The following NFAT5 variants were observed in gnomAD, a reference collection of about 807,000 sequenced individuals.
NFAT5 encodes the protein nuclear factor of activated T cells 5.
In NFAT5, 31 loss-of-function variants were observed where a neutral mutation model predicts 166.5. The ratio of observed to expected loss-of-function variants is 0.19; its 90% CI spans 0.14 to 0.25. The LOEUF is 0.25. NFAT5 is among the 10% of genes least tolerant of loss of function. The pLI is 1.00. For missense variants in NFAT5, 1,449 were observed against 1,821.8 expected (o/e 0.80, Z 3.72); for synonymous variants, 612 against 639.7 (o/e 0.96, Z 0.65).
intron 4 of NFAT5, among the ~76,000 whole-genome samples, chr16:69,651,817 C>G (rs1355534473): frequency 6.6e-6 from 1 of 151,796 alleles, no homozygotes. Context: ...ATTACAGGTG[C>G]CTGCCACCAC....
At chr16:69,630,449 G>A (rs1368261890) in intron 3 of NFAT5, among the ~76,000 whole-genome samples, 1 of 152,122 alleles carries the variant, frequency 6.6e-6, no homozygotes, top group African/African-American at 2.4e-5. Context: ...GGAATTCCAG[G>A]TGTAAGCCAC....
chr16:69,612,284 A>G (rs902890524), intron 2 of NFAT5, among the ~76,000 whole-genome samples: 4 of 152,188 alleles, frequency 2.6e-5, no homozygotes, highest in Admixed American at 6.5e-5. Flanking sequence ...TTTTCAACCC[A>G]TTTGGAGAAG....
rs1438963460 is a variant in NFAT5, at chr16:69,697,741, C to T, written c.*1390C>T. Reference sequence around the variant, plus strand: ...CTTGCCACCCGTGGGATGCCTGCTTCTCACTACCACCTGTGTCTGGACACA... The same window carrying T: ...CTTGCCACCCGTGGGATGCCTGCTTTTCACTACCACCTGTGTCTGGACACA... On this transcript the variant is annotated 3_prime_UTR_variant, in exon 15 of 15. Coordinates refer to ENST00000349945, the MANE Select transcript of NFAT5 (RefSeq NM_138713.4). 6.6e-6 allele frequency: 1 copy of T among 152,628 alleles called. No individual in the cohort carries two copies. Among genetic ancestry groups the T allele is most frequent in the Admixed American group, 6.5e-5 (1 of 15,274 alleles). 9.5% of individuals were successfully genotyped at this position (152,628 alleles called of 1,614,324 possible).
intron 4 of NFAT5, among the ~76,000 whole-genome samples, chr16:69,651,734 G>A (rs929762546): frequency 8.0e-5 from 12 of 150,008 alleles, no homozygotes; most frequent in Non-Finnish European, 1.0e-4. Flanking sequence ...GCAATGGCAC[G>A]ATCTGGGCTC....
chr16:69,672,243 C>A (rs574945202), intron 9 of NFAT5, among the ~76,000 whole-genome samples: 1 of 152,330 alleles, frequency 6.6e-6, no homozygotes, highest in East Asian at 1.9e-4. Context: ...ACAAACATTC[C>A]TTTGTCACAC....
In NFAT5 at chr16:69,692,195, G is replaced by T; in HGVS notation, c.2370G>T (p.Gln790His). The change falls in exon 13 of 15, where the codon CAG (glutamine) becomes CAT (histidine). Residue 790 changes from glutamine to histidine, a missense_variant. Physicochemically the swap from Gln to His is conservative, Grantham distance 24 (BLOSUM62 0). Coordinates refer to ENST00000349945, the MANE Select transcript of NFAT5 (RefSeq NM_138713.4). ...CACCAAATAGTGTGAGTCAGCTTCA[G>T]AATACTATTCAGCAGCTGCAAGCAG... is the stretch of plus-strand genomic sequence containing the variant. ...FPSPNSVSQL[Q>H]NTIQQLQAGS... The T allele has an allele frequency of 6.2e-7, 1 of 1,614,186 alleles. No individual in the cohort carries two copies. Among genetic ancestry groups the T allele is most frequent in the East Asian group, 2.2e-5 (1 of 44,882 alleles).
At chr16:69,638,080 ATGG>A (rs918856367) in intron 3 of NFAT5, among the ~76,000 whole-genome samples, 21 of 152,086 alleles carry the variant, frequency 1.4e-4, no homozygotes, top group African/African-American at 4.8e-4. Flanking sequence ...TTATCTGGGC[ATGG>A]TGGCAGGCAC....
intron 4 of NFAT5, among the ~76,000 whole-genome samples, chr16:69,651,999 G>A (rs1567576238): frequency 6.6e-6 from 1 of 152,012 alleles, no homozygotes; most frequent in Admixed American, 6.6e-5. Flanking sequence ...TAACAATATT[G>A]TTTTTACTTG....
intron 3 of NFAT5, among the ~76,000 whole-genome samples, chr16:69,643,510 G>A (rs1416774273): frequency 1.3e-5 from 2 of 151,620 alleles, no homozygotes; most frequent in East Asian, 1.9e-4. Flanking sequence ...ATAATTTAAG[G>A]AAATAAAATT....
At chr16:69,676,153 C>T (rs1434277500) in intron 9 of NFAT5, among the ~76,000 whole-genome samples, 2 of 152,146 alleles carry the variant, frequency 1.3e-5, no homozygotes, top group Non-Finnish European at 2.9e-5. Flanking sequence ...TCCTGCAAAT[C>T]AGATCATTAG....
intron 9 of NFAT5, among the ~76,000 whole-genome samples, chr16:69,675,008 G>C (rs1401298592): frequency 6.6e-6 from 1 of 152,126 alleles, no homozygotes; most frequent in Non-Finnish European, 1.5e-5. Context: ...ATTTATGAGA[G>C]GGTATTAAAA....
chr16:69,700,765 A>C lies in NFAT5; in HGVS notation c.*4414A>C, dbSNP rs2037884320. 1 of 152,192 alleles carries C rather than the reference A, an allele frequency of 6.6e-6. No individual in the cohort carries two copies. The highest frequency in any genetic ancestry group is 2.4e-5 in the African/African-American group (1 of 41,446). 9.4% of individuals were successfully genotyped at this position (152,192 alleles called of 1,614,324 possible). On this transcript the variant is annotated 3_prime_UTR_variant, in exon 15 of 15. Transcript: ENST00000349945. ...ATAGGTTAGAAAAATAACTCATAGT[A>C]TATACCCTAGTAAGTGGGTTAGTAG...
intron 4 of NFAT5, chr16:69,649,272 T>C: frequency 1.0e-6 from 1 of 956,502 alleles, no homozygotes; most frequent in Non-Finnish European, 1.2e-6. Context: ...GAGAAAGTCT[T>C]TAATATAAAG....
At chr16:69,695,900 C>T (rs1020171382) in intron 14 of NFAT5, among the ~76,000 whole-genome samples, 11 of 152,124 alleles carry the variant, frequency 7.2e-5, no homozygotes, top group Admixed American at 2.0e-4. Context: ...CTTCCAGCTC[C>T]CTTCAGCTGT....
rs2037795865 is a variant in NFAT5, at chr16:69,697,343, T to C, written c.*992T>C. ...TCCTGCAGCACAGGGCAGAGAGTAC[T>C]GTCTTAGGAATTATTAGGAGTTGAT... On this transcript the variant is annotated 3_prime_UTR_variant, in exon 15 of 15. Transcript: ENST00000349945. 1 of 152,204 alleles carries C rather than the reference T, an allele frequency of 6.6e-6. No homozygotes were observed. The highest frequency in any genetic ancestry group is 6.5e-5 in the Admixed American group (1 of 15,270). The allele number at this position is 152,204 out of a possible 1,614,324, so 9.4% of individuals were successfully genotyped here. A position where few individuals can be genotyped will look rare whatever the true frequency, so the allele number is the denominator to read the frequency against.
chr16:69,568,384 ATATATATAT>A, intron 1 of NFAT5, 102 bp from the exon 2 acceptor site: 1 of 333,774 alleles, frequency 3.0e-6, no homozygotes, highest in East Asian at 6.3e-5. Context: ...GTGTATATAT[ATATATATAT>A]ACACACACAC....
chr16:69,617,144 G>A (rs111582832), intron 2 of NFAT5, among the ~76,000 whole-genome samples: 2,839 of 151,868 alleles, frequency 0.019, 96 homozygotes, highest in African/African-American at 0.061. Context: ...GAGTTTCACC[G>A]TGTTAGCCAG....
Position 69,690,966 on chromosome 16 carries a change from G to A in NFAT5, c.1801G>A (p.Asp601Asn), listed in dbSNP as rs2037522831. 2 of 1,586,610 alleles carry A rather than the reference G, an allele frequency of 1.3e-6. No homozygotes were observed. The highest frequency in any genetic ancestry group is 2.7e-5 in the African/African-American group (2 of 73,812). The change falls in exon 12 of 15, where the codon GAT becomes AAT. Residue 601 changes from aspartate (D) to asparagine (N), a missense_variant. Transcript: ENST00000349945. ...AATGAAAACTACTGGATGTAATTTAGATAAGGTAAATATTATCCCTAATGC... is the reference window on the plus strand; with the variant it reads ...AATGAAAACTACTGGATGTAATTTAAATAAGGTAAATATTATCCCTAATGC... ...KAMKTTGCNL[D>N]KVNIIPNALM...
intron 4 of NFAT5, among the ~76,000 whole-genome samples, chr16:69,652,047 A>G (rs2035692275): frequency 6.6e-6 from 1 of 152,238 alleles, no homozygotes; most frequent in African/African-American, 2.4e-5. Flanking sequence ...ACTATTTTAC[A>G]GATTAAATGT....
Sources: allele counts gnomAD v4.1 joint callset (sites outside exome capture counted in the v4.1 genomes callset), GRCh38; gene constraint gnomAD v4.1.1; transcripts MANE v1.5; gene names NCBI Gene and HGNC (gene_info 2026-07-23, HGNC 2026-07-21).